Variants in RASEF observed in about 807,000 individuals in gnomAD.
RASEF encodes ras and EF-hand domain-containing protein.
In RASEF, 68 loss-of-function variants were observed where a neutral mutation model predicts 90.1. The ratio of observed to expected loss-of-function variants is 0.75; its 90% CI spans 0.62 to 0.92. The LOEUF is 0.92. RASEF is among the 40% of genes least tolerant of loss of function. The pLI, the probability that RASEF is intolerant of heterozygous loss-of-function variation, is 0.00. For synonymous variants in RASEF, 331 were observed against 345.2 expected, an observed-to-expected ratio of 0.96 and a Z score of 0.46; for missense variants, 949 against 937.2, an observed-to-expected ratio of 1.01 and a Z score of -0.16.
the RASEF span, among the ~76,000 whole-genome samples, chr9:83,140,216 G>A: frequency 3.3e-5 from 5 of 152,050 alleles, no homozygotes; most frequent in African/African-American, 4.8e-5. Flanking sequence ...CTATAATACC[G>A]AGTCATTAAA....
chr9:83,087,508 G>A, the RASEF span, among the ~76,000 whole-genome samples: 1 of 150,028 alleles, frequency 6.7e-6, no homozygotes, highest in Admixed American at 6.7e-5. Flanking sequence ...AATTTTGGTA[G>A]TTGATGTTTT....
At chr9:83,215,184 C>A in the RASEF span, among the ~76,000 whole-genome samples, 1 of 152,094 alleles carries the variant, frequency 6.6e-6, no homozygotes, top group South Asian at 2.1e-4. Flanking sequence ...CCCCTCCTAC[C>A]AGCTCCCCAT....
At chr9:83,112,514 G>A in the RASEF span, among the ~76,000 whole-genome samples, 4 of 151,984 alleles carry the variant, frequency 2.6e-5, no homozygotes, top group Non-Finnish European at 5.9e-5. Context: ...GAGAAACCCC[G>A]TCTCTACTAA....
chr9:83,014,822 G>A (rs1829314653), intron 4 of RASEF, among the ~76,000 whole-genome samples: 1 of 152,062 alleles, frequency 6.6e-6, no homozygotes, highest in Non-Finnish European at 1.5e-5. Context: ...AGTAATGACA[G>A]GAGTATTTAT....
At chr9:83,004,470 A>C in intron 9 of RASEF, 28 bp downstream of exon 9, 2 of 1,383,956 alleles carry the variant, frequency 1.4e-6, no homozygotes, top group Non-Finnish European at 2.1e-6. Flanking sequence ...TCTGAACTTG[A>C]ACAGAAAGTT....
At chr9:83,165,044 T>A in the RASEF span, among the ~76,000 whole-genome samples, 1 of 151,938 alleles carries the variant, frequency 6.6e-6, no homozygotes, top group Non-Finnish European at 1.5e-5. Context: ...AATAAATGAA[T>A]CCATTATTAT....
At chr9:83,092,092 A>C in the RASEF span, among the ~76,000 whole-genome samples, 2 of 143,642 alleles carry the variant, frequency 1.4e-5, no homozygotes, top group African/African-American at 5.2e-5. Context: ...GAGTTCTGAA[A>C]AAAGTTGATT....
the RASEF span, among the ~76,000 whole-genome samples, chr9:83,109,730 T>C: frequency 6.6e-6 from 1 of 152,202 alleles, no homozygotes; most frequent in African/African-American, 2.4e-5. Context: ...TGCTGACAAT[T>C]TGTTAATCAA....
chr9:83,024,072 A>C (rs1212246173), intron 2 of RASEF, among the ~76,000 whole-genome samples: 1 of 152,184 alleles, frequency 6.6e-6, no homozygotes, highest in Non-Finnish European at 1.5e-5. Context: ...CCCCCAATTA[A>C]AAATAGCAGT....
the RASEF span, among the ~76,000 whole-genome samples, chr9:83,135,242 C>T: frequency 6.6e-6 from 1 of 151,854 alleles, no homozygotes; most frequent in Non-Finnish European, 1.5e-5. Flanking sequence ...CAAACTATCT[C>T]AAAGACAAAA....
At chr9:83,018,109 C>T (rs1829376830) in intron 3 of RASEF, among the ~76,000 whole-genome samples, 1 of 152,168 alleles carries the variant, frequency 6.6e-6, no homozygotes, top group South Asian at 2.1e-4. Context: ...TCAATGTTCT[C>T]ATCTCCTTTA....
the RASEF span, among the ~76,000 whole-genome samples, chr9:83,114,715 A>C: frequency 1.3e-5 from 2 of 152,206 alleles, no homozygotes; most frequent in African/African-American, 4.8e-5. Context: ...TAGCACTCCC[A>C]GGCTTATTAG....
rs148766401 is a variant in RASEF, at chr9:83,038,483, T to C, written c.432-12562A>G. 3.5e-4 allele frequency among the ~76,000 whole-genome samples: 54 copies of C among 152,128 alleles called. No individual in the cohort carries two copies. The East Asian group carries it at 8.3e-3, about 23-fold the overall frequency. The stretch of plus-strand genomic sequence containing the variant: ...ATTACAAGCAATATTATAGAAAAAA[T>C]TAAGAATACGACCACATTGAACGAA... On this transcript the variant is annotated intron_variant, in intron 1 of 16. Transcript: ENST00000376447.
At chr9:83,169,243 A>G in the RASEF span, among the ~76,000 whole-genome samples, 1 of 152,036 alleles carries the variant, frequency 6.6e-6, no homozygotes, top group Non-Finnish European at 1.5e-5. Flanking sequence ...TTCTTTATCC[A>G]TTCATTCACT....
rs372144638 is a variant in RASEF, at chr9:83,062,445, G to A, written c.423C>T (p.Phe141=). The change falls in exon 1 of 17, where the codon TTC becomes TTT. Residue 141 remains phenylalanine (F), a synonymous_variant. Transcript: ENST00000376447. ...FQARLGDEAK[F]IPREEQVSTL... ...CCAGCTCACACTCGCACCTGGGAATGAACTTGGCTTCGTCCCCAAGTCGCG... is the reference window on the plus strand; with the variant it reads ...CCAGCTCACACTCGCACCTGGGAATAAACTTGGCTTCGTCCCCAAGTCGCG... The A allele has an allele frequency of 5.6e-6, 9 of 1,613,000 alleles. No homozygotes were observed. The South Asian group carries it at 9.9e-5, about 18-fold the overall frequency.
At chr9:83,183,282 A>G in the RASEF span, among the ~76,000 whole-genome samples, 2 of 148,454 alleles carry the variant, frequency 1.3e-5, no homozygotes, top group Non-Finnish European at 3.0e-5. Flanking sequence ...ATATATATAT[A>G]TATACAAATT....
chr9:83,007,546 C>T (rs374308210), intron 6 of RASEF, 41 bp from the exon 7 acceptor site: 35 of 1,435,204 alleles, frequency 2.4e-5, no homozygotes, highest in Non-Finnish European at 7.9e-6. Flanking sequence ...AATTAGGTGT[C>T]AAGTCCTGCC....
At chr9:83,134,216 G>A in the RASEF span, among the ~76,000 whole-genome samples, 1 of 152,022 alleles carries the variant, frequency 6.6e-6, no homozygotes. Context: ...GACTAGCAGA[G>A]GTGGTTTTAC....
At chr9:82,985,978 A>G (rs572555569) in intron 16 of RASEF, among the ~76,000 whole-genome samples, 172 of 152,238 alleles carry the variant, frequency 1.1e-3, no homozygotes, top group East Asian at 5.8e-3. Context: ...GTGGGGGTTC[A>G]CTCTATGCTT....
Sources: gnomAD v4.1 joint callset for allele counts (sites outside exome capture counted in the v4.1 genomes callset) on GRCh38, gnomAD v4.1.1 for gene constraint, MANE v1.5 for transcripts, NCBI Gene and HGNC (gene_info 2026-07-23, HGNC 2026-07-21) for gene names.